The following ITPKC variants were observed in gnomAD, a reference collection of about 807,000 sequenced individuals.
The protein encoded by ITPKC is IP3 3-kinase C.
Under a neutral mutation model 67.1 loss-of-function variants are expected in ITPKC, and 33 were observed. The observed-to-expected ratio is 0.49, with a 90% CI of 0.37 to 0.66. The LOEUF is 0.66. Among genes scored for constraint, ITPKC ranks in the 30% least tolerant of loss-of-function variants. The pLI, the probability that ITPKC is intolerant of heterozygous loss-of-function variation, is 0.00. For missense variants in ITPKC, 820 were observed against 892.1 expected, an observed-to-expected ratio of 0.92 and a Z score of 1.03; for synonymous variants, 341 against 359.8, an observed-to-expected ratio of 0.95 and a Z score of 0.59.
At chr19:40,731,964 G>A (rs889558315) in intron 3 of ITPKC, among the ~76,000 whole-genome samples, 3 of 152,160 alleles carry the variant, frequency 2.0e-5, no homozygotes, top group South Asian at 2.1e-4. Flanking sequence ...GTGGCTGGGC[G>A]CAGTGGCTCA....
intron 2 of ITPKC, among the ~76,000 whole-genome samples, chr19:40,726,915 A>C (rs1045682331): frequency 6.6e-6 from 1 of 151,784 alleles, no homozygotes; most frequent in Non-Finnish European, 1.5e-5. Flanking sequence ...GGTGGCATGC[A>C]CCTGTGGTCC....
intron 1 of ITPKC, among the ~76,000 whole-genome samples, chr19:40,721,164 G>A (rs1404865527): frequency 6.6e-6 from 1 of 151,924 alleles, no homozygotes; most frequent in Non-Finnish European, 1.5e-5. Flanking sequence ...GACACTCATG[G>A]AGCTCCCAGG....
rs936749380 is a variant in ITPKC, at chr19:40,739,481, C to T, written c.1973C>T (p.Ala658Val). 3 of 1,613,566 alleles carry T rather than the reference C, an allele frequency of 1.9e-6. No individual in the cohort carries two copies. The highest frequency in any genetic ancestry group is 2.5e-6 in the Non-Finnish European group (3 of 1,180,006). Reference sequence around the variant, plus strand: ...ACGCTCAGCCACAGGCTGCCCTGGGCTGAGGGCAACCGTGAGGACGGCTAC... The same window carrying T: ...ACGCTCAGCCACAGGCTGCCCTGGGTTGAGGGCAACCGTGAGGACGGCTAC... ...HQTLSHRLPW[A>V]EGNREDGYLW... Residue 658 changes from alanine (A) to valine (V), a missense_variant, in exon 7 of 7, where the codon GCT becomes GTT. Around this residue, in one of 2 missense-constraint regions of ITPKC, gnomAD observed 339 missense variants for 422.0 expected, o/e 0.80. Transcript: ENST00000263370.
rs2082241898 is a variant in ITPKC at position 40,725,380 on chromosome 19, C to T, written c.1196C>T (p.Ser399Leu). ...WKKLKTVLKY[S>L]PFVVSFRKHY... Reference sequence around the variant, plus strand: ...AAGCTGAAGACAGTTCTGAAGTATTCACCCTTTGTGGTCTCCTTCCGAAAA... The same window carrying T: ...AAGCTGAAGACAGTTCTGAAGTATTTACCCTTTGTGGTCTCCTTCCGAAAA... The change falls in exon 2 of 7, where the codon TCA (serine) becomes TTA (leucine). Residue 399 changes from serine (S) to leucine (L), a missense_variant. Ser to Leu is a moderately radical substitution (Grantham distance 145, BLOSUM62 -2). Around this residue, in one of 2 missense-constraint regions of ITPKC, gnomAD observed 339 missense variants for 422.0 expected, o/e 0.80. Transcript: ENST00000263370. 1 of 1,614,056 alleles carries T rather than the reference C, an allele frequency of 6.2e-7. No homozygotes were observed. The highest frequency in any genetic ancestry group is 8.5e-7 in the Non-Finnish European group (1 of 1,179,862).
At chr19:40,724,099 C>A (rs569362911) in intron 1 of ITPKC, among the ~76,000 whole-genome samples, 2 of 152,330 alleles carry the variant, frequency 1.3e-5, no homozygotes, top group South Asian at 4.1e-4. Context: ...AGTGACACTT[C>A]TGCTCCCAGT....
rs1481456627 is a variant in ITPKC at position 40,718,097 on chromosome 19, G to GT, written c.963dup (p.Ser322Ter). On this transcript the variant is annotated frameshift_variant, in exon 1 of 7. Transcript: ENST00000263370. LOFTEE classifies it high-confidence loss of function. The stretch of plus-strand genomic sequence containing the variant: ...ACTCACCTGTACTCTCACCTGAAGT[G>GT]TAGCCCCCTGTGCCCTGTGCCCCGC... 2.5e-6 allele frequency: 4 copies of GT among 1,613,450 alleles called. No individual in the cohort carries two copies. The highest frequency in any genetic ancestry group is 1.3e-5 in the African/African-American group (1 of 74,912).
chr19:40,717,208 G>A lies in ITPKC; in HGVS notation c.73G>A (p.Gly25Arg), dbSNP rs1008450178. 133 of 1,237,376 alleles carry A rather than the reference G, an allele frequency of 1.1e-4. No individual in the cohort carries two copies. The highest frequency in any genetic ancestry group is 6.0e-4 in the South Asian group (15 of 25,188). The allele number at this position is 1,237,376 out of a possible 1,614,324, so 76.6% of individuals were successfully genotyped here. The change falls in exon 1 of 7, where the codon GGA becomes AGA. Residue 25 changes from glycine to arginine, a missense_variant. Transcript: ENST00000263370. ...AGALPAAARM[G>R]LEAPRGGRRR... is the part of the protein sequence containing the mutation. ...GGCGCTGCCCGCGGCGGCCCGCATG[G>A]GACTGGAGGCGCCGCGAGGAGGGCG...
At chr19:40,737,857 G>A (rs1017395805) in intron 6 of ITPKC, 88 bp downstream of exon 6, 33 of 1,145,754 alleles carry the variant, frequency 2.9e-5, no homozygotes, top group Non-Finnish European at 4.2e-5. Flanking sequence ...ACAGGTCAAA[G>A]ATATAAAAAG....
chr19:40,719,217 C>G (rs1203814048), intron 1 of ITPKC, among the ~76,000 whole-genome samples: 1 of 152,146 alleles, frequency 6.6e-6, no homozygotes, highest in Non-Finnish European at 1.5e-5. Context: ...GACGTGTTCA[C>G]ACATGTGGCC....
chr19:40,737,578 T>C lies in ITPKC; in HGVS notation c.1777-120T>C, dbSNP rs1488418901. 1.3e-5 allele frequency: 11 copies of C among 832,348 alleles called. No homozygotes were observed. In the African/African-American group the frequency reaches 1.8e-4, roughly 14 times the overall value. 51.6% of individuals were successfully genotyped at this position (832,348 alleles called of 1,614,324 possible). Reference sequence around the variant, plus strand: ...TGCCCTGTCTTCCCCATGGCTCCCCTATTCCATCCTGGCTAGAGCCTGCCT... The same window carrying C: ...TGCCCTGTCTTCCCCATGGCTCCCCCATTCCATCCTGGCTAGAGCCTGCCT... On this transcript the variant is annotated intron_variant, in intron 5 of 6. Transcript: ENST00000263370.
chr19:40,733,861 A>C (rs563236884), intron 4 of ITPKC, among the ~76,000 whole-genome samples: 1 of 152,320 alleles, frequency 6.6e-6, no homozygotes, highest in South Asian at 2.1e-4. Context: ...GTTCAGGACT[A>C]AGCTGGCCAA....
In ITPKC at chr19:40,740,714, G is replaced by A. The variant is rs1568454944; in HGVS notation, c.*1154G>A. The stretch of plus-strand genomic sequence containing the variant: ...CACTGTCTTCCAGGGCTGAGGAGAT[G>A]CTCTCCTTTTCTACTGACCATCTTG... On this transcript the variant is annotated 3_prime_UTR_variant, in exon 7 of 7. Transcript: ENST00000263370. 2 of 362,084 alleles carry A rather than the reference G, an allele frequency of 5.5e-6. No homozygotes were observed. The highest frequency in any genetic ancestry group is 9.9e-6 in the Non-Finnish European group (2 of 202,622). 22.4% of individuals were successfully genotyped at this position (362,084 alleles called of 1,614,324 possible).
chr19:40,728,230 A>G (rs1313456705), intron 2 of ITPKC, among the ~76,000 whole-genome samples: 1 of 149,200 alleles, frequency 6.7e-6, no homozygotes, highest in Non-Finnish European at 1.5e-5. Flanking sequence ...TTTTTTTTTT[A>G]GATTAGCTGG....
intron 1 of ITPKC, among the ~76,000 whole-genome samples, chr19:40,724,871 C>T (rs1004433941): frequency 2.6e-5 from 4 of 151,512 alleles, no homozygotes; most frequent in African/African-American, 9.7e-5. Flanking sequence ...TCACTTGAAC[C>T]TCGGAGGCAG....
intron 2 of ITPKC, among the ~76,000 whole-genome samples, chr19:40,726,329 T>G (rs2082246533): frequency 6.6e-6 from 1 of 152,166 alleles, no homozygotes; most frequent in South Asian, 2.1e-4. Flanking sequence ...ATAGCAGGCC[T>G]TCAGTAAGTA....
chr19:40,718,331 A>G, intron 1 of ITPKC, 41 bp downstream of exon 1: 1 of 1,486,882 alleles, frequency 6.7e-7, no homozygotes, highest in Non-Finnish European at 8.9e-7. Flanking sequence ...CATCACGCAA[A>G]ACTCCTTATT....
At position 40,717,227 on chromosome 19, in the gene ITPKC, G is replaced by A. The variant is rs1403076057; in HGVS notation, c.92G>A (p.Gly31Glu). 1 of 1,236,646 alleles carries A rather than the reference G, an allele frequency of 8.1e-7. No individual in the cohort carries two copies. 76.6% of individuals were successfully genotyped at this position (1,236,646 alleles called of 1,614,324 possible). The change falls in exon 1 of 7, where the codon GGA becomes GAA. Residue 31 changes from glycine to glutamate, a missense_variant. Physicochemically the swap from Gly to Glu is moderately conservative, Grantham distance 98. This residue lies in a region of ITPKC where 481 missense variants were observed against 470.1 expected (regional missense o/e 1.02). Coordinates refer to ENST00000263370, the MANE Select transcript of ITPKC (RefSeq NM_025194.3). ...AARMGLEAPR[G>E]GRRRQPGQQR... ...CGCATGGGACTGGAGGCGCCGCGAG[G>A]AGGGCGGCGGCGGCAGCCGGGACAG...
At chr19:40,731,621 G>A (rs1473315203) in intron 3 of ITPKC, among the ~76,000 whole-genome samples, 1 of 11,558 alleles carries the variant, frequency 8.7e-5, no homozygotes, top group African/African-American at 3.3e-4. Flanking sequence ...TTTTTTTTTT[G>A]AGAGGGAGTC....
chr19:40,717,652 T>A lies in ITPKC; in HGVS notation c.517T>A (p.Trp173Arg). 6.2e-7 allele frequency: 1 copy of A among 1,614,026 alleles called. No homozygotes were observed. The highest frequency in any genetic ancestry group is 1.3e-5 in the African/African-American group (1 of 74,982). ...GACACAGCCAGGGGTTCATGGGCCC[T>A]GGACAGAGCTGGAAACGCATGGGTC... ...PWTQPGVHGP[W>R]TELETHGSQT... is the part of the protein sequence containing the mutation. The change falls in exon 1 of 7, where the codon TGG becomes AGG. Residue 173 changes from tryptophan to arginine, a missense_variant. This residue lies in a region of ITPKC where 481 missense variants were observed against 470.1 expected (regional missense o/e 1.02). Transcript: ENST00000263370.
Sources: allele counts gnomAD v4.1 joint callset (sites outside exome capture counted in the v4.1 genomes callset), GRCh38; gene constraint gnomAD v4.1.1; regional missense constraint gnomAD v4.1.1; transcripts MANE v1.5; gene names NCBI Gene and HGNC (gene_info 2026-07-23, HGNC 2026-07-21).